Variants in EPS8L2 observed in about 807,000 individuals in gnomAD.
EPS8L2 encodes the protein EPS8 signaling adaptor L2, also known as epidermal growth factor receptor kinase substrate 8-like protein 2.
In EPS8L2, 81 loss-of-function variants were observed where a neutral mutation model predicts 99.4. The ratio of observed to expected loss-of-function variants is 0.82; its 90% CI spans 0.68 to 0.98. EPS8L2 has a LOEUF of 0.98. Ranked by LOEUF, EPS8L2 falls within the 50% of genes least tolerant of loss-of-function variation. The pLI is 0.00. For missense variants in EPS8L2, 1,155 were observed against 968.8 expected, an observed-to-expected ratio of 1.19 and a Z score of -2.55; for synonymous variants, 509 against 407.3, an observed-to-expected ratio of 1.25 and a Z score of -3.01.
intron 12 of EPS8L2, 54 bp from the exon 13 acceptor site, chr11:722,347 T>C: frequency 6.3e-7 from 1 of 1,593,310 alleles, no homozygotes; most frequent in Non-Finnish European, 8.6e-7. Context: ...GCTACGGGGG[T>C]GCTGGGCCAG....
At chr11:712,442 C>T (rs1019984503) in intron 4 of EPS8L2, among the ~76,000 whole-genome samples, 6 of 147,204 alleles carry the variant, frequency 4.1e-5, no homozygotes, top group Non-Finnish European at 9.0e-5. Context: ...GCTGGGCTCC[C>T]GGTTGTCGTC....
At chr11:721,005 A>AGGGGAGGGGAGGAGCCCGCAG (rs758503993) in intron 7 of EPS8L2, 59 bp from the exon 8 acceptor site, 1 of 1,388,332 alleles carries the variant, frequency 7.2e-7, no homozygotes, top group African/African-American at 1.6e-5. Flanking sequence ...GGAGCCCGGC[A>AGGGGAGGGGAGGAGCCCGCAG]GGGAGGGAGG....
In EPS8L2 at chr11:721,266, C is replaced by T. The variant is rs1376033165; in HGVS notation, c.701-19C>T. 6.5e-7 allele frequency: 1 copy of T among 1,539,248 alleles called. No homozygotes were observed. The highest frequency in any genetic ancestry group is 2.0e-5 in the Admixed American group (1 of 50,766). On this transcript the variant is annotated intron_variant, in intron 8 of 20. Transcript: ENST00000318562. ...TCGTTGTGGGGGGCTCGGTGAGCAGCCGCCGTGTCCCCCATCAGGTTTCCG... is the reference window on the plus strand; with the variant it reads ...TCGTTGTGGGGGGCTCGGTGAGCAGTCGCCGTGTCCCCCATCAGGTTTCCG...
rs748666010 is a variant in EPS8L2 at position 718,481 on chromosome 11, A to ATT, written c.166-1565_166-1564dup. Reference sequence around the variant, plus strand: ...CTTTGAGTTTTTGCATGCTTTTTTAATTTTTTTTTTTTTTTTTAGTTTGAG... The same window carrying ATT: ...CTTTGAGTTTTTGCATGCTTTTTTAATTTTTTTTTTTTTTTTTTTAGTTTGAG... On this transcript the variant is annotated intron_variant, in intron 4 of 20. Transcript: ENST00000318562. Among the ~76,000 whole-genome samples, 1,172 of 141,034 alleles carry ATT rather than the reference A, an allele frequency of 8.3e-3. 16 individuals carry two copies. Among genetic ancestry groups the ATT allele is most frequent in the Middle Eastern group, 0.025 (7 of 280 alleles). The allele number at this position is 141,034 out of a possible 152,430, so 92.5% of individuals were successfully genotyped here. A position where few individuals can be genotyped will look rare whatever the true frequency, so the allele number is the denominator to read the frequency against.
At chr11:710,339 C>T (rs1293989629) in intron 3 of EPS8L2, 83 bp from the exon 4 acceptor site, 2 of 1,371,124 alleles carry the variant, frequency 1.5e-6, no homozygotes, top group Non-Finnish European at 2.1e-6. Context: ...TTGACTCCAC[C>T]TTCCCTTGTG....
rs201776164 is a variant in EPS8L2 at position 726,978 on chromosome 11, C to T, written c.2145C>T (p.Ser715=). 5.0e-6 allele frequency: 8 copies of T among 1,611,610 alleles called. No homozygotes were observed. Among genetic ancestry groups the T allele is most frequent in the Admixed American group, 3.3e-5 (2 of 59,920 alleles). The change falls in exon 21 of 21, where the codon AGC becomes AGT. Residue 715 remains serine, a synonymous_variant. Transcript: ENST00000318562. ...HSMNQRRGED[S] is the part of the protein sequence containing the mutation. Reference sequence around the variant, plus strand: ...TGAATCAGAGGAGGGGGGAGGACAGCTAGGCCCAGCTGCCTTGGGCTGGGG... The same window carrying T: ...TGAATCAGAGGAGGGGGGAGGACAGTTAGGCCCAGCTGCCTTGGGCTGGGG...
rs1248787173 is a variant in EPS8L2 at position 722,094 on chromosome 11, A to G, written c.988A>G (p.Lys330Glu). 4 of 1,612,874 alleles carry G rather than the reference A, an allele frequency of 2.5e-6. No individual in the cohort carries two copies. The highest frequency in any genetic ancestry group is 3.4e-6 in the Non-Finnish European group (4 of 1,179,886). Reference protein sequence around the residue: ...KIKLAINLLAKLQKHIQNPSA... With the variant: ...KIKLAINLLAELQKHIQNPSA... Reference sequence around the variant, plus strand: ...GCTCACTTGTTCCCACCCCCAGGCAAAGCTGCAGAAGCACATCCAGAACCC... The same window carrying G: ...GCTCACTTGTTCCCACCCCCAGGCAGAGCTGCAGAAGCACATCCAGAACCC... Residue 330 changes from lysine to glutamate, a missense_variant, in exon 12 of 21, where the codon AAG becomes GAG. By Grantham distance (56) the Lys-to-Glu change is moderately conservative. Coordinates refer to ENST00000318562, the MANE Select transcript of EPS8L2 (RefSeq NM_022772.4).
intron 14 of EPS8L2, among the ~76,000 whole-genome samples, 198 bp from the exon 15 acceptor site, chr11:723,043 G>A (rs1367657844): frequency 1.1e-5 from 1 of 94,694 alleles, no homozygotes; most frequent in Non-Finnish European, 2.1e-5. Context: ...TCCACCCACC[G>A]CCCCTTCAGC....
rs779468624 is a variant in EPS8L2, at chr11:710,464, A to G, written c.143A>G (p.Glu48Gly). Reference protein sequence around the residue: ...KYSNSNVIMHETSQYHVQHLA... With the variant: ...KYSNSNVIMHGTSQYHVQHLA... Reference sequence around the variant, plus strand: ...TCCAACTCCAACGTCATCATGCACGAGACCTCGCAGTACCACGTCCAGGTA... The same window carrying G: ...TCCAACTCCAACGTCATCATGCACGGGACCTCGCAGTACCACGTCCAGGTA... The change falls in exon 4 of 21, where the codon GAG (glutamate) becomes GGG (glycine). Residue 48 changes from glutamate (E) to glycine (G), a missense_variant. Glu to Gly is a moderately conservative substitution (Grantham distance 98, BLOSUM62 -2). Transcript: ENST00000318562. The G allele has an allele frequency of 6.2e-7, 1 of 1,613,744 alleles. No individual in the cohort carries two copies. Among genetic ancestry groups the G allele is most frequent in the East Asian group, 2.2e-5 (1 of 44,878 alleles).
rs1330854813 is a variant in EPS8L2 at position 716,152 on chromosome 11, G to T, written c.166-3910G>T. On this transcript the variant is annotated intron_variant, in intron 4 of 20. Transcript: ENST00000318562. ...CATGCCTGGCTAATTTTTGTGTGGGGTTTTTTTTTTTTTTGAGACAGAGTC... is the reference window on the plus strand; with the variant it reads ...CATGCCTGGCTAATTTTTGTGTGGGTTTTTTTTTTTTTTTGAGACAGAGTC... Among the ~76,000 whole-genome samples, 300 of 121,192 alleles carry T rather than the reference G, an allele frequency of 2.5e-3. 1 individual carries two copies. The highest frequency in any genetic ancestry group is 4.5e-3 in the Middle Eastern group (1 of 224). 79.5% of individuals were successfully genotyped at this position (121,192 alleles called of 152,430 possible).
chr11:726,037 G>A (rs1227734884), intron 17 of EPS8L2, 61 bp from the exon 18 acceptor site: 3 of 1,334,612 alleles, frequency 2.2e-6, no homozygotes, highest in Admixed American at 2.2e-5. Flanking sequence ...GGGAGGTCCC[G>A]GGCAGGTGCT....
intron 18 of EPS8L2, 61 bp downstream of exon 18, chr11:726,231 TG>T (rs368184258): frequency 0.019 from 29,129 of 1,539,902 alleles, 333 homozygotes; most frequent in South Asian, 0.025. Flanking sequence ...GGAGGAAGTG[TG>T]GGGGGGGTCC....
intron 7 of EPS8L2, 53 bp from the exon 8 acceptor site, chr11:721,011 G>GGGAGGAGCCCGGCAGGGAGC (rs1455749959): frequency 6.7e-7 from 1 of 1,497,292 alleles, no homozygotes; most frequent in African/African-American, 1.4e-5. Flanking sequence ...CGGCAGGGAG[G>GGGAGGAGCCCGGCAGGGAGC]GAGGGTCAGG....
At chr11:723,488 T>C (rs554645585) in intron 15 of EPS8L2, 135 bp downstream of exon 15, 2 of 445,042 alleles carry the variant, frequency 4.5e-6, no homozygotes, top group African/African-American at 4.1e-5. Context: ...TTTTCCAGAT[T>C]TGAAGCGGTT....
intron 7 of EPS8L2, 55 bp from the exon 8 acceptor site, chr11:721,009 A>AGGGGAGGAGCCCAGCAGGGC: frequency 1.1e-6 from 1 of 878,236 alleles, no homozygotes; most frequent in Non-Finnish European, 1.5e-6. Flanking sequence ...CCCGGCAGGG[A>AGGGGAGGAGCCCAGCAGGGC]GGGAGGGTCA....
At chr11:725,869 G>C in intron 17 of EPS8L2, 22 bp downstream of exon 17, 1 of 1,344,178 alleles carries the variant, frequency 7.4e-7, no homozygotes, top group Non-Finnish European at 9.5e-7. Flanking sequence ...GGGGTCCCTG[G>C]GGTCGCAGCC....
chr11:726,491 G>C lies in EPS8L2; in HGVS notation c.1934+7G>C. 6.5e-7 allele frequency: 1 copy of C among 1,546,358 alleles called. No homozygotes were observed. The highest frequency in any genetic ancestry group is 1.2e-5 in the South Asian group (1 of 83,472). On this transcript the variant is annotated splice_region_variant and intron_variant, in intron 19 of 20. Transcript: ENST00000318562. ...CCAAGGCCTTCAGCCCGCGGTGAGC[G>C]GGGGCGGGGGATGAGCTGGGGCCCG...
chr11:716,208 G>C (rs933147219), intron 4 of EPS8L2, among the ~76,000 whole-genome samples: 11 of 151,270 alleles, frequency 7.3e-5, no homozygotes, highest in African/African-American at 2.7e-4. Flanking sequence ...GAGTGCAGTG[G>C]CACCATCTCA....
chr11:712,161 C>T (rs995374709), intron 4 of EPS8L2, among the ~76,000 whole-genome samples: 27 of 151,650 alleles, frequency 1.8e-4, no homozygotes, highest in African/African-American at 6.0e-4. Flanking sequence ...TGGTGGGAGC[C>T]TGTAGTCCCA....
Sources: gnomAD v4.1 joint callset for allele counts (sites outside exome capture counted in the v4.1 genomes callset) on GRCh38, gnomAD v4.1.1 for gene constraint, MANE v1.5 for transcripts, NCBI Gene and HGNC (gene_info 2026-07-23, HGNC 2026-07-21) for gene names.